Variants in PIK3IP1 observed in about 807,000 individuals in gnomAD.
PIK3IP1 encodes the protein phosphoinositide-3-kinase interacting protein 1, also known as phosphoinositide-3-kinase-interacting protein 1.
In PIK3IP1, 28 loss-of-function variants were observed where a neutral mutation model predicts 30.7. The observed-to-expected ratio is 0.91, with a 90% CI of 0.68 to 1.25. PIK3IP1 has a LOEUF of 1.25. PIK3IP1 is among the 50% of genes most tolerant of loss of function. The pLI, the probability that PIK3IP1 is intolerant of heterozygous loss-of-function variation, is 0.00. For missense variants in PIK3IP1, 333 were observed against 346.2 expected (o/e 0.96, Z 0.30); for synonymous variants, 159 against 140.8 (o/e 1.13, Z -0.91).
chr22:31,291,112 C>T, intron 2 of PIK3IP1, 28 bp from the exon 3 acceptor site: 1 of 1,543,916 alleles, frequency 6.5e-7, no homozygotes, highest in Non-Finnish European at 8.7e-7. Flanking sequence ...GAAATGTGTG[C>T]CGGGGCTGGC....
chr22:31,287,014 CTTTTTTTTTTT>C (rs11427273), intron 5 of PIK3IP1, among the ~76,000 whole-genome samples: 1 of 98,644 alleles, frequency 1.0e-5, no homozygotes, highest in South Asian at 3.6e-4. Flanking sequence ...CCATTACCCA[CTTTTTTTTTTT>C]TTTTTTTTTT....
chr22:31,283,568 A>G (rs2049106907), intron 5 of PIK3IP1, among the ~76,000 whole-genome samples: 1 of 152,038 alleles, frequency 6.6e-6, no homozygotes, highest in African/African-American at 2.4e-5. Context: ...CCGGGGCTCA[A>G]TGAAAATAAA....
intron 5 of PIK3IP1, among the ~76,000 whole-genome samples, chr22:31,286,210 A>T (rs1056803212): frequency 1.3e-5 from 2 of 152,150 alleles, no homozygotes; most frequent in Non-Finnish European, 2.9e-5. Flanking sequence ...ACTTATTAAG[A>T]AAGCATGAAA....
chr22:31,289,480 G>T lies in PIK3IP1; in HGVS notation c.508+19C>A. ...TCTTGATGAATCCCAACGAGGGCAG[G>T]GGTGGGGGACCGTCATACCCAGAGT... On this transcript the variant is annotated intron_variant, in intron 4 of 5. Coordinates refer to ENST00000215912, the MANE Select transcript of PIK3IP1 (RefSeq NM_052880.5). The T allele has an allele frequency of 6.5e-7, 1 of 1,541,122 alleles. No homozygotes were observed. Among genetic ancestry groups the T allele is most frequent in the Non-Finnish European group, 8.8e-7 (1 of 1,142,610 alleles).
chr22:31,282,047 G>A lies in PIK3IP1; in HGVS notation c.*1037C>T, dbSNP rs1347841201. ...GGGTCCTGTGTCCAAAAGGCTTAATGAGCCCTTTCTAATGGTTCTTTGATT... is the reference window on the plus strand; with the variant it reads ...GGGTCCTGTGTCCAAAAGGCTTAATAAGCCCTTTCTAATGGTTCTTTGATT... On this transcript the variant is annotated 3_prime_UTR_variant, in exon 6 of 6. Coordinates refer to ENST00000215912, the MANE Select transcript of PIK3IP1 (RefSeq NM_052880.5). The A allele has an allele frequency of 1.3e-5, 2 of 152,248 alleles. No individual in the cohort carries two copies. The highest frequency in any genetic ancestry group is 2.9e-5 in the Non-Finnish European group (2 of 68,076). 9.4% of individuals were successfully genotyped at this position (152,248 alleles called of 1,614,324 possible).
chr22:31,289,984 G>A (rs996085862), intron 3 of PIK3IP1: 9 of 360,958 alleles, frequency 2.5e-5, no homozygotes, highest in South Asian at 9.9e-5. Context: ...GGCCCCTCTC[G>A]GTTGCGTTCT....
At chr22:31,288,460 C>T (rs756798216) in intron 5 of PIK3IP1, among the ~76,000 whole-genome samples, 30 of 152,042 alleles carry the variant, frequency 2.0e-4, no homozygotes, top group Admixed American at 3.9e-4. Flanking sequence ...AAAATGCAGG[C>T]TACTGTGTCA....
intron 1 of PIK3IP1, among the ~76,000 whole-genome samples, 173 bp from the exon 2 acceptor site, chr22:31,291,469 AC>A (rs10558009): frequency 0.27 from 28,026 of 104,508 alleles, 3,247 homozygotes; most frequent in East Asian, 0.42. Context: ...CGCCCCACGC[AC>A]CCCCCCCCCC....
rs1435032491 is a variant in PIK3IP1 at position 31,292,440 on chromosome 22, A to G, written c.-96T>C. On this transcript the variant is annotated 5_prime_UTR_variant, in exon 1 of 6. Transcript: ENST00000215912. The stretch of plus-strand genomic sequence containing the variant: ...GCCTCCCAGTCCCAGCCTTGCAGTC[A>G]GACCTGCCCTTGTTATGCTGTTCTG... The G allele has an allele frequency of 1.1e-5, 11 of 960,066 alleles. No homozygotes were observed. The highest frequency in any genetic ancestry group is 1.9e-5 in the Non-Finnish European group (11 of 591,414). 59.5% of individuals were successfully genotyped at this position (960,066 alleles called of 1,614,324 possible).
rs896433516 is a variant in PIK3IP1 at position 31,281,835 on chromosome 22, G to T, written c.*1249C>A. The T allele has an allele frequency of 6.6e-6, 1 of 152,624 alleles. No homozygotes were observed. The highest frequency in any genetic ancestry group is 2.4e-5 in the African/African-American group (1 of 41,442). The allele number at this position is 152,624 out of a possible 1,614,324, so 9.5% of individuals were successfully genotyped here. On this transcript the variant is annotated 3_prime_UTR_variant, in exon 6 of 6. Coordinates refer to ENST00000215912, the MANE Select transcript of PIK3IP1 (RefSeq NM_052880.5). ...CCGTCTCCACATTGGGCAGTGGAAG[G>T]GTTCTGGAAAGGAAGCTCTATGGCT...
rs564967301 is a variant in PIK3IP1 at position 31,283,101 on chromosome 22, C to T, written c.775G>A (p.Gly259Arg). The stretch of plus-strand genomic sequence containing the variant: ...GGGGGGGCTCAGGCCCCAGGAGTCC[C>T]GGCCTGGCCCATAAGGGGGGTGGTG... ...EGTTPLMGQA[G>R]TPGA Residue 259 changes from glycine to arginine, a missense_variant, in exon 6 of 6, where the codon GGG (glycine) becomes AGG (arginine). Around this residue, in one of 3 missense-constraint regions of PIK3IP1, gnomAD observed 217 missense variants for 227.7 expected, o/e 0.95. Transcript: ENST00000215912. The T allele has an allele frequency of 8.7e-6, 14 of 1,602,412 alleles. No individual in the cohort carries two copies. Among genetic ancestry groups the T allele is most frequent in the South Asian group, 5.6e-5 (5 of 89,620 alleles).
At chr22:31,290,915 G>T (rs1233887821) in intron 3 of PIK3IP1, 50 bp downstream of exon 3, 2 of 1,523,934 alleles carry the variant, frequency 1.3e-6, no homozygotes. Flanking sequence ...TGTCTCAGCC[G>T]CTTCCTGTCA....
intron 5 of PIK3IP1, among the ~76,000 whole-genome samples, chr22:31,286,310 G>A (rs2049130740): frequency 6.6e-6 from 1 of 152,184 alleles, no homozygotes; most frequent in Non-Finnish European, 1.5e-5. Flanking sequence ...ATGGGTAGAT[G>A]TGGAGGGAGG....
intron 1 of PIK3IP1, among the ~76,000 whole-genome samples, chr22:31,291,597 C>G (rs2049180221): frequency 6.6e-6 from 1 of 152,048 alleles, no homozygotes; most frequent in Non-Finnish European, 1.5e-5. Context: ...TGCAGAAGTG[C>G]AAAGCGTTGT....
intron 5 of PIK3IP1, among the ~76,000 whole-genome samples, chr22:31,286,919 T>G (rs532352153): frequency 6.6e-6 from 1 of 152,016 alleles, no homozygotes; most frequent in East Asian, 1.9e-4. Context: ...AACCTCAGAC[T>G]GGGCGTCAGG....
At chr22:31,290,684 C>T (rs2049167956) in intron 3 of PIK3IP1, 1 of 411,470 alleles carries the variant, frequency 2.4e-6, no homozygotes, top group Non-Finnish European at 4.3e-6. Context: ...GCTGAGGGGC[C>T]AAAAGCCACT....
intron 5 of PIK3IP1, among the ~76,000 whole-genome samples, chr22:31,288,796 C>T (rs1216169945): frequency 2.0e-5 from 3 of 152,116 alleles, no homozygotes; most frequent in Non-Finnish European, 4.4e-5. Context: ...TTTTTTCTTC[C>T]CTAGCAGAGG....
rs753268125 is a variant in PIK3IP1, at chr22:31,290,991, C to G, written c.281G>C (p.Arg94Pro). The G allele has an allele frequency of 2.5e-5, 40 of 1,605,260 alleles. No homozygotes were observed. Among genetic ancestry groups the G allele is most frequent in the Non-Finnish European group, 3.1e-5 (36 of 1,176,734 alleles). The change falls in exon 3 of 6, where the codon CGG becomes CCG. Residue 94 changes from arginine (R) to proline (P), a missense_variant. Physicochemically the swap from Arg to Pro is moderately radical, Grantham distance 103. Around this residue, in one of 3 missense-constraint regions of PIK3IP1, gnomAD observed 217 missense variants for 227.7 expected, o/e 0.95. Coordinates refer to ENST00000215912, the MANE Select transcript of PIK3IP1 (RefSeq NM_052880.5). ...VSGEAGVPEKRPCEDLRCPET... is the reference protein window; with the variant it reads ...VSGEAGVPEKPPCEDLRCPET... ...TGGACAGCGCAGGTCCTCGCAAGGCCGTTTCTCAGGGACGCCGGCCTCGCC... is the reference window on the plus strand; with the variant it reads ...TGGACAGCGCAGGTCCTCGCAAGGCGGTTTCTCAGGGACGCCGGCCTCGCC...
intron 3 of PIK3IP1, chr22:31,290,692 ACT>A (rs2049168113): frequency 2.3e-6 from 1 of 428,486 alleles, no homozygotes; most frequent in South Asian, 4.2e-5. Flanking sequence ...GCCAAAAGCC[ACT>A]CCTCAGGACG....
Sources: gnomAD v4.1 joint callset for allele counts (sites outside exome capture counted in the v4.1 genomes callset) on GRCh38, gnomAD v4.1.1 for gene constraint, gnomAD v4.1.1 regional missense constraint, MANE v1.5 for transcripts, NCBI Gene and HGNC (gene_info 2026-07-23, HGNC 2026-07-21) for gene names.